ZNF385D: variants seen among roughly 807,000 people sequenced by gnomAD.
ZNF385D encodes the protein zinc finger protein 385D.
ZNF385D carries 15 observed loss-of-function variants against 35.8 expected under a neutral mutation model. That is an observed-to-expected ratio of 0.42 (90% CI 0.28 to 0.64). The LOEUF is 0.64. Ranked by LOEUF, ZNF385D falls within the 30% of genes least tolerant of loss-of-function variation. The pLI, the probability that ZNF385D is intolerant of heterozygous loss-of-function variation, is 0.23. For synonymous variants in ZNF385D, 212 were observed against 186.8 expected, an observed-to-expected ratio of 1.13 and a Z score of -1.10; for missense variants, 474 against 494.6, an observed-to-expected ratio of 0.96 and a Z score of 0.39.
chr3:21,802,708 C>A (rs1428213984), intron 3 of ZNF385D, among the ~76,000 whole-genome samples: 1 of 152,162 alleles, frequency 6.6e-6, no homozygotes, highest in Admixed American at 6.6e-5. Flanking sequence ...ATCTCACTAT[C>A]TGTGTGAACT....
intron 3 of ZNF385D, 48 bp downstream of exon 3, chr3:21,564,526 G>A (rs1427905992): frequency 3.3e-6 from 4 of 1,218,842 alleles, no homozygotes; most frequent in Non-Finnish European, 4.5e-6. Flanking sequence ...GATTAGAACA[G>A]CAAAATGTAT....
intron 3 of ZNF385D, among the ~76,000 whole-genome samples, chr3:21,997,875 G>T (rs1289630608): frequency 3.0e-5 from 1 of 33,466 alleles, no homozygotes; most frequent in South Asian, 6.2e-4. Flanking sequence ...GCGCGCGCGT[G>T]TGTGTGTGTG....
At chr3:22,201,503 C>T (rs1025535434) in intron 2 of ZNF385D, among the ~76,000 whole-genome samples, 8 of 151,934 alleles carry the variant, frequency 5.3e-5, no homozygotes, top group African/African-American at 1.7e-4. Context: ...TAGAGAAATA[C>T]ATTTTCATAG....
At chr3:21,718,371 A>C (rs1003381813) in intron 1 of ZNF385D, among the ~76,000 whole-genome samples, 15 of 152,334 alleles carry the variant, frequency 9.8e-5, no homozygotes, top group Admixed American at 4.6e-4. Context: ...CTGAAAGCCC[A>C]GTCAGAAGAC....
intron 3 of ZNF385D, among the ~76,000 whole-genome samples, chr3:21,522,819 A>T (rs780643451): frequency 6.4e-4 from 98 of 152,256 alleles, no homozygotes; most frequent in Non-Finnish European, 1.2e-3. Context: ...TAAGAAAAAA[A>T]ATTTTTTGTT....
intron 3 of ZNF385D, among the ~76,000 whole-genome samples, chr3:21,880,014 AT>A (rs1473734279): frequency 2.0e-5 from 3 of 151,910 alleles, no homozygotes; most frequent in Admixed American, 2.0e-4. Flanking sequence ...AAGCTAATAA[AT>A]GCAATTATTT....
chr3:21,563,077 G>C (rs1030445777), intron 3 of ZNF385D, among the ~76,000 whole-genome samples: 2 of 151,370 alleles, frequency 1.3e-5, no homozygotes, highest in Non-Finnish European at 2.9e-5. Flanking sequence ...TTGAGATTCT[G>C]ACCCCCAAGT....
At chr3:22,045,561 C>T (rs1421996707) in intron 3 of ZNF385D, among the ~76,000 whole-genome samples, 4 of 152,072 alleles carry the variant, frequency 2.6e-5, no homozygotes. Flanking sequence ...GGTGTGAGTT[C>T]TTCATGTGCT....
intron 1 of ZNF385D, among the ~76,000 whole-genome samples, chr3:21,726,631 C>G (rs1355681556): frequency 1.3e-5 from 2 of 152,092 alleles, no homozygotes; most frequent in Non-Finnish European, 2.9e-5. Flanking sequence ...TACGAAGGAC[C>G]TCTTCAAGAA....
At chr3:21,912,133 C>G (rs1462499973) in intron 3 of ZNF385D, among the ~76,000 whole-genome samples, 1 of 151,872 alleles carries the variant, frequency 6.6e-6, no homozygotes, top group Non-Finnish European at 1.5e-5. Context: ...CCATCCACAC[C>G]AATACAAAGC....
At chr3:21,973,959 T>C (rs1703435152) in intron 3 of ZNF385D, among the ~76,000 whole-genome samples, 2 of 152,162 alleles carry the variant, frequency 1.3e-5, no homozygotes, top group East Asian at 1.9e-4. Context: ...TGTTCACAGA[T>C]TGGTAGAATA....
intron 1 of ZNF385D, among the ~76,000 whole-genome samples, chr3:21,712,471 AC>A (rs796569851): frequency 1.7e-4 from 26 of 152,314 alleles, no homozygotes; most frequent in African/African-American, 5.8e-4. Context: ...CAATGTTTCT[AC>A]AATCTGTAAC....
intron 2 of ZNF385D, among the ~76,000 whole-genome samples, chr3:21,612,979 C>CT (rs2064730980): frequency 8.1e-6 from 1 of 123,232 alleles, no homozygotes; most frequent in African/African-American, 3.3e-5. Context: ...CATGCAACAT[C>CT]TTTTTTCTTT....
At chr3:22,135,313 CAT>C (rs1704039983) in intron 3 of ZNF385D, among the ~76,000 whole-genome samples, 2 of 136,802 alleles carry the variant, frequency 1.5e-5, no homozygotes, top group African/African-American at 3.6e-5. Context: ...CACACACACA[CAT>C]ACCCCAACAT....
intron 3 of ZNF385D, among the ~76,000 whole-genome samples, chr3:21,896,904 T>C (rs1447519310): frequency 6.6e-6 from 1 of 152,064 alleles, no homozygotes; most frequent in African/African-American, 2.4e-5. Context: ...CACAGACTTC[T>C]AGAAGTCATT....
intron 1 of ZNF385D, among the ~76,000 whole-genome samples, chr3:21,699,285 C>A (rs1027981393): frequency 1.3e-5 from 2 of 151,752 alleles, no homozygotes; most frequent in Non-Finnish European, 2.9e-5. Flanking sequence ...GGGAGTTGAA[C>A]AATGAGAACA....
intron 2 of ZNF385D, among the ~76,000 whole-genome samples, chr3:22,349,225 A>C (rs1180029814): frequency 6.6e-6 from 1 of 152,182 alleles, no homozygotes; most frequent in Non-Finnish European, 1.5e-5. Context: ...CCATGAAATA[A>C]ACAAGCAAAT....
At chr3:22,105,174 G>C (rs1029391438) in intron 3 of ZNF385D, among the ~76,000 whole-genome samples, 1 of 151,832 alleles carries the variant, frequency 6.6e-6, no homozygotes, top group African/African-American at 2.4e-5. Flanking sequence ...TAGGCAGAAG[G>C]GATATAATCT....
intron 3 of ZNF385D, among the ~76,000 whole-genome samples, chr3:22,124,173 G>C (rs112975831): frequency 3.3e-5 from 5 of 151,800 alleles, no homozygotes; most frequent in African/African-American, 9.7e-5. Flanking sequence ...TCCCACAAGT[G>C]AGAATATGTC....
Sources: gnomAD v4.1 joint callset for allele counts (sites outside exome capture counted in the v4.1 genomes callset) on GRCh38, gnomAD v4.1.1 for gene constraint, MANE v1.5 for transcripts, NCBI Gene and HGNC (gene_info 2026-07-23, HGNC 2026-07-21) for gene names.